Variants in EXOC6 observed in about 807,000 individuals in gnomAD.
The protein encoded by EXOC6 is SEC15-like 1.
EXOC6 carries 60 observed loss-of-function variants against 112.5 expected under a neutral mutation model. That is an observed-to-expected ratio of 0.53 (90% CI 0.43 to 0.66). The LOEUF (loss-of-function observed/expected upper bound fraction) is 0.66. Ranked by LOEUF, EXOC6 falls within the 30% of genes least tolerant of loss-of-function variation. The pLI, the probability that EXOC6 is intolerant of heterozygous loss-of-function variation, is 0.00. For synonymous variants in EXOC6, 295 were observed against 308.0 expected (o/e 0.96, Z 0.44); for missense variants, 855 against 957.1 (o/e 0.89, Z 1.41).
intron 12 of EXOC6, among the ~76,000 whole-genome samples, chr10:92,938,719 C>T (rs372753937): frequency 3.9e-5 from 6 of 152,094 alleles, no homozygotes; most frequent in South Asian, 4.1e-4. Context: ...ACATAAAAGT[C>T]AGTAAGACAG....
chr10:92,862,192 A>G (rs1244048513), intron 1 of EXOC6, among the ~76,000 whole-genome samples: 1 of 152,126 alleles, frequency 6.6e-6, no homozygotes, highest in African/African-American at 2.4e-5. Context: ...TCTGCTTTCT[A>G]TGATTTTACC....
intron 19 of EXOC6, among the ~76,000 whole-genome samples, chr10:93,010,735 T>C (rs1361154863): frequency 6.6e-6 from 1 of 151,858 alleles, no homozygotes; most frequent in Non-Finnish European, 1.5e-5. Flanking sequence ...TCGGCAACTT[T>C]TAAACTGAGT....
At chr10:92,871,705 G>A (rs1848455764) in intron 1 of EXOC6, among the ~76,000 whole-genome samples, 1 of 151,880 alleles carries the variant, frequency 6.6e-6, no homozygotes, top group African/African-American at 2.4e-5. Context: ...TACTCAGGAG[G>A]CTGAGGCAGG....
At chr10:92,971,082 C>T (rs1226090150) in intron 17 of EXOC6, among the ~76,000 whole-genome samples, 6 of 152,156 alleles carry the variant, frequency 3.9e-5, no homozygotes, top group African/African-American at 7.2e-5. Flanking sequence ...GACGGAGTCT[C>T]GCTCTGTTGC....
chr10:92,973,948 C>A, intron 17 of EXOC6, 105 bp from the exon 18 acceptor site: 2 of 989,934 alleles, frequency 2.0e-6, no homozygotes, highest in Non-Finnish European at 2.9e-6. Flanking sequence ...GAATAAATGG[C>A]TAAAATATTA....
intron 18 of EXOC6, among the ~76,000 whole-genome samples, chr10:92,974,710 C>T (rs1467681176): frequency 1.2e-4 from 18 of 152,328 alleles, no homozygotes; most frequent in African/African-American, 3.4e-4. Context: ...CGATTGCAGG[C>T]GCACGCCACC....
chr10:92,920,643 C>G (rs563337822), intron 8 of EXOC6, among the ~76,000 whole-genome samples: 1 of 152,122 alleles, frequency 6.6e-6, no homozygotes, highest in African/African-American at 2.4e-5. Context: ...CTTTTACTTC[C>G]TTGTTGGTCT....
At chr10:93,043,936 C>T (rs1590100042) in intron 20 of EXOC6, among the ~76,000 whole-genome samples, 1 of 152,302 alleles carries the variant, frequency 6.6e-6, no homozygotes, top group East Asian at 1.9e-4. Flanking sequence ...ATCTGTTGCC[C>T]ATTTTGAAGT....
At chr10:92,927,676 G>A (rs1851800198) in intron 8 of EXOC6, among the ~76,000 whole-genome samples, 1 of 152,188 alleles carries the variant, frequency 6.6e-6, no homozygotes, top group Admixed American at 6.5e-5. Context: ...CACTGAGATA[G>A]ACTAACCAAG....
intron 5 of EXOC6, among the ~76,000 whole-genome samples, chr10:92,909,127 A>C (rs1328511784): frequency 6.6e-6 from 1 of 152,200 alleles, no homozygotes; most frequent in African/African-American, 2.4e-5. Context: ...GTTTGAAACA[A>C]TGATACATAT....
intron 18 of EXOC6, among the ~76,000 whole-genome samples, chr10:92,975,206 C>G (rs556248642): frequency 0.014 from 2,169 of 151,462 alleles, 39 homozygotes; most frequent in African/African-American, 0.049. Flanking sequence ...TGGGGAGCGC[C>G]TCTGCCCCGC....
chr10:92,951,224 T>C (rs1853391201), intron 14 of EXOC6, among the ~76,000 whole-genome samples: 1 of 152,156 alleles, frequency 6.6e-6, no homozygotes, highest in African/African-American at 2.4e-5. Context: ...TCTGGAGTTG[T>C]AGATTTGGAG....
chr10:92,920,257 C>G (rs1355997685), intron 8 of EXOC6, among the ~76,000 whole-genome samples: 4 of 152,150 alleles, frequency 2.6e-5, no homozygotes, highest in Non-Finnish European at 5.9e-5. Context: ...ATTTTAAGAA[C>G]CTTGTAATAG....
intron 19 of EXOC6, among the ~76,000 whole-genome samples, chr10:92,998,767 A>T (rs1261400990): frequency 6.6e-6 from 1 of 152,074 alleles, no homozygotes; most frequent in Non-Finnish European, 1.5e-5. Flanking sequence ...AGAAAGATTA[A>T]TTTTCTTTTC....
intron 18 of EXOC6, among the ~76,000 whole-genome samples, chr10:92,986,524 T>C (rs1280210443): frequency 6.6e-6 from 1 of 151,684 alleles, no homozygotes; most frequent in African/African-American, 2.4e-5. Flanking sequence ...TCTCCTTTAC[T>C]CATTGTGTAT....
At chr10:92,879,532 A>G (rs1848845116) in intron 1 of EXOC6, among the ~76,000 whole-genome samples, 3 of 152,312 alleles carry the variant, frequency 2.0e-5, no homozygotes, top group South Asian at 4.1e-4. Context: ...CAGTAATTTC[A>G]GTATTATCCT....
chr10:92,972,427 G>C (rs1434407085), intron 17 of EXOC6, among the ~76,000 whole-genome samples: 5 of 152,150 alleles, frequency 3.3e-5, no homozygotes. Context: ...CACAAGGTGG[G>C]GTGGAGCTGC....
rs755289294 is a variant in EXOC6, at chr10:92,954,620, T to C, written c.1527-10T>C. On this transcript the variant is annotated splice_polypyrimidine_tract_variant and intron_variant, in intron 15 of 21. Coordinates refer to ENST00000260762, the MANE Select transcript of EXOC6 (RefSeq NM_019053.6). ...TTATTAAGTTTAATAATATCAATCT[T>C]TGTTTTTAGCTCAACAGAAATAGAC... is the stretch of plus-strand genomic sequence containing the variant. The C allele has an allele frequency of 3.5e-6, 5 of 1,440,238 alleles. No individual in the cohort carries two copies. Among genetic ancestry groups the C allele is most frequent in the Non-Finnish European group, 4.8e-6 (5 of 1,032,964 alleles). 89.2% of individuals were successfully genotyped at this position (1,440,238 alleles called of 1,614,324 possible). A position where few individuals can be genotyped will look rare whatever the true frequency, so the allele number is the denominator to read the frequency against.
intron 18 of EXOC6, among the ~76,000 whole-genome samples, chr10:92,983,452 TATTG>T (rs1309304673): frequency 6.6e-6 from 1 of 151,850 alleles, no homozygotes; most frequent in Non-Finnish European, 1.5e-5. Flanking sequence ...TTTTTTAAAG[TATTG>T]ATTGTTACAT....
Sources: allele counts gnomAD v4.1 joint callset (sites outside exome capture counted in the v4.1 genomes callset), GRCh38; gene constraint gnomAD v4.1.1; transcripts MANE v1.5; gene names NCBI Gene and HGNC (gene_info 2026-07-23, HGNC 2026-07-21).